ASRGL1: variants seen among roughly 807,000 people sequenced by gnomAD.
The protein encoded by ASRGL1 is asparaginase and isoaspartyl peptidase 1.
In ASRGL1, 16 loss-of-function variants were observed where a neutral mutation model predicts 22.4. The ratio of observed to expected loss-of-function variants is 0.71; its 90% CI spans 0.48 to 1.08. The LOEUF (loss-of-function observed/expected upper bound fraction) is 1.08. Ranked by LOEUF, ASRGL1 falls within the 50% of genes least tolerant of loss-of-function variation. The pLI is 0.00. For synonymous variants in ASRGL1, 165 were observed against 159.3 expected (o/e 1.04, Z -0.27); for missense variants, 412 against 410.1 (o/e 1.00, Z -0.04).
intron 4 of ASRGL1, among the ~76,000 whole-genome samples, chr11:62,361,481 ATTTT>A (rs35345092): frequency 7.8e-5 from 8 of 101,912 alleles, no homozygotes; most frequent in East Asian, 2.8e-4. Context: ...AACCTGGCCA[ATTTT>A]TTTTTTTTTT....
At chr11:62,353,878 G>A (rs2513738) in intron 2 of ASRGL1, among the ~76,000 whole-genome samples, 149,508 of 152,310 alleles carry the variant, frequency 0.98, 73,442 homozygotes, top group Middle Eastern at 1. Flanking sequence ...GGGATGCCTT[G>A]TTATTGCCAG....
chr11:62,359,534 A>T (rs780579862), intron 4 of ASRGL1, among the ~76,000 whole-genome samples: 1 of 152,240 alleles, frequency 6.6e-6, no homozygotes, highest in Non-Finnish European at 1.5e-5. Context: ...AGAAATTATA[A>T]GATGTCTTGC....
At chr11:62,401,175 G>A in the ASRGL1 span, among the ~76,000 whole-genome samples, 2 of 152,224 alleles carry the variant, frequency 1.3e-5, no homozygotes, top group Non-Finnish European at 2.9e-5. Context: ...TGCAAACTAG[G>A]TGCTGTGCCT....
chr11:62,364,579 A>T (rs944167160), intron 4 of ASRGL1, among the ~76,000 whole-genome samples: 4 of 152,244 alleles, frequency 2.6e-5, no homozygotes, highest in African/African-American at 7.2e-5. Flanking sequence ...AATAGCCAGG[A>T]TATTGAAACA....
At chr11:62,338,226 T>A in intron 2 of ASRGL1, 59 bp downstream of exon 2, 1 of 1,428,904 alleles carries the variant, frequency 7.0e-7, no homozygotes, top group Non-Finnish European at 9.3e-7. Flanking sequence ...TTCTTCAGAA[T>A]AAATAGAACC....
chr11:62,371,633 A>G (rs1590740932), intron 4 of ASRGL1: 2 of 648,700 alleles, frequency 3.1e-6, no homozygotes, highest in South Asian at 1.4e-5. Context: ...GGGGCAACCA[A>G]CTGGGACTTG....
At chr11:62,389,320 T>G (rs1374283906) in intron 5 of ASRGL1, 69 bp downstream of exon 5, 4 of 1,352,264 alleles carry the variant, frequency 3.0e-6, no homozygotes, top group Non-Finnish European at 4.2e-6. Flanking sequence ...CACTCTCTAT[T>G]CCCTGCCCCT....
At chr11:62,366,483 CCTT>C (rs1946613359) in intron 4 of ASRGL1, among the ~76,000 whole-genome samples, 1 of 135,026 alleles carries the variant, frequency 7.4e-6, no homozygotes, top group African/African-American at 2.5e-5. Flanking sequence ...GGAGAACCCT[CCTT>C]CCTTATCTAA....
At chr11:62,398,854 C>T in the ASRGL1 span, among the ~76,000 whole-genome samples, 3 of 152,220 alleles carry the variant, frequency 2.0e-5, no homozygotes, top group African/African-American at 7.2e-5. Context: ...TCCCCAAGCC[C>T]TTTCCCTGTC....
intron 2 of ASRGL1, among the ~76,000 whole-genome samples, chr11:62,348,860 T>A (rs1460937128): frequency 6.6e-6 from 1 of 152,062 alleles, no homozygotes; most frequent in East Asian, 1.9e-4. Context: ...AAAAGGCCAA[T>A]CTGCAGTAGT....
At chr11:62,351,401 G>A (rs1053327290) in intron 2 of ASRGL1, among the ~76,000 whole-genome samples, 2 of 152,094 alleles carry the variant, frequency 1.3e-5, no homozygotes, top group African/African-American at 2.4e-5. Flanking sequence ...TGTAATCCCA[G>A]CACTTTGGGA....
chr11:62,338,939 A>AAAAAC (rs1945798671), intron 2 of ASRGL1, among the ~76,000 whole-genome samples: 1 of 151,654 alleles, frequency 6.6e-6, no homozygotes, highest in Non-Finnish European at 1.5e-5. Context: ...TCTCAAAAAA[A>AAAAAC]AAAAAAAAAA....
intron 4 of ASRGL1, 145 bp downstream of exon 4, chr11:62,357,289 G>T (rs1946325895): frequency 1.0e-6 from 1 of 983,204 alleles, no homozygotes. Flanking sequence ...TCTCTCTGTT[G>T]CCCAGACTGG....
At chr11:62,356,958 A>G (rs369931742) in intron 3 of ASRGL1, 29 bp from the exon 4 acceptor site, 7 of 1,563,448 alleles carry the variant, frequency 4.5e-6, no homozygotes, top group Middle Eastern at 1.7e-4. Flanking sequence ...TCAAAAAAAC[A>G]ATCATTTTCT....
chr11:62,352,196 G>A (rs1001186789), intron 2 of ASRGL1, among the ~76,000 whole-genome samples: 1 of 152,170 alleles, frequency 6.6e-6, no homozygotes, highest in African/African-American at 2.4e-5. Context: ...TGTCCTTATA[G>A]GAGACACCAG....
chr11:62,397,507 A>C (rs1376078789), downstream of ASRGL1, among the ~76,000 whole-genome samples: 1 of 152,036 alleles, frequency 6.6e-6, no homozygotes, highest in Non-Finnish European at 1.5e-5. Flanking sequence ...TCTACTAAAA[A>C]TACAAAATTA....
the ASRGL1 span, among the ~76,000 whole-genome samples, chr11:62,400,120 G>A: frequency 6.6e-6 from 1 of 152,082 alleles, no homozygotes; most frequent in African/African-American, 2.4e-5. Context: ...GACTTTCAAG[G>A]CCCCATAGGC....
chr11:62,356,944 AT>A, intron 3 of ASRGL1, 42 bp from the exon 4 acceptor site: 5 of 1,559,208 alleles, frequency 3.2e-6, no homozygotes, highest in Non-Finnish European at 4.3e-6. Context: ...AAGATTTAAA[AT>A]TTTCAAAAAA....
At chr11:62,352,154 A>AT (rs539888800) in intron 2 of ASRGL1, among the ~76,000 whole-genome samples, 9 of 152,346 alleles carry the variant, frequency 5.9e-5, no homozygotes, top group Non-Finnish European at 1.0e-4. Context: ...AAGTGAGGTC[A>AT]TAAGGATGGA....
Sources: allele counts gnomAD v4.1 joint callset (sites outside exome capture counted in the v4.1 genomes callset), GRCh38; gene constraint gnomAD v4.1.1; transcripts MANE v1.5; gene names NCBI Gene and HGNC (gene_info 2026-07-23, HGNC 2026-07-21).